The following CTNNA3 variants were observed in gnomAD, a reference collection of about 807,000 sequenced individuals.
CTNNA3 encodes catenin alpha-3.
A neutral mutation model predicts 95.7 loss-of-function variants in CTNNA3; 76 were observed. That is an observed-to-expected ratio of 0.79 (90% CI 0.66 to 0.96). CTNNA3 has a LOEUF of 0.96. Among genes scored for constraint, CTNNA3 ranks in the 40% least tolerant of loss-of-function variants. CTNNA3 has a pLI of 0.00. For missense variants in CTNNA3, 1,191 were observed against 1,089.8 expected, an observed-to-expected ratio of 1.09 and a Z score of -1.31; for synonymous variants, 431 against 374.4, an observed-to-expected ratio of 1.15 and a Z score of -1.74.
chr10:66,158,951 G>A (rs1344785522), intron 13 of CTNNA3, among the ~76,000 whole-genome samples: 1 of 151,786 alleles, frequency 6.6e-6, no homozygotes, highest in Non-Finnish European at 1.5e-5. Flanking sequence ...TTGATTTGAT[G>A]CTCTGCTTGG....
chr10:67,716,284 C>A (rs949737300), intron 1 of CTNNA3, among the ~76,000 whole-genome samples: 4 of 152,076 alleles, frequency 2.6e-5, no homozygotes, highest in Non-Finnish European at 2.9e-5. Context: ...AGACCATGAT[C>A]TTTTCTAATT....
intron 7 of CTNNA3, among the ~76,000 whole-genome samples, chr10:66,841,913 T>C (rs555000880): frequency 3.3e-5 from 5 of 152,214 alleles, no homozygotes; most frequent in Admixed American, 1.3e-4. Context: ...TATACCTCTG[T>C]GGCAGGAAAG....
At chr10:66,284,450 A>T (rs2132170654) in intron 12 of CTNNA3, among the ~76,000 whole-genome samples, 1 of 151,976 alleles carries the variant, frequency 6.6e-6, no homozygotes, top group South Asian at 2.1e-4. Flanking sequence ...AGTAAAGTCC[A>T]TGGGGTTTCT....
At chr10:67,070,517 G>A (rs907481779) in intron 7 of CTNNA3, among the ~76,000 whole-genome samples, 10 of 152,198 alleles carry the variant, frequency 6.6e-5, no homozygotes, top group African/African-American at 2.4e-4. Context: ...GGGAGGCCAG[G>A]GCAGGCAGAT....
intron 16 of CTNNA3, among the ~76,000 whole-genome samples, chr10:65,978,745 A>C (rs2133294739): frequency 6.6e-6 from 1 of 152,302 alleles, no homozygotes; most frequent in African/African-American, 2.4e-5. Flanking sequence ...TATCTCAATG[A>C]AGAATGCCTT....
chr10:66,882,516 G>T (rs1290957505), intron 7 of CTNNA3, among the ~76,000 whole-genome samples: 1 of 152,130 alleles, frequency 6.6e-6, no homozygotes, highest in African/African-American at 2.4e-5. Context: ...ATGGCACCAT[G>T]CATTGACGGT....
chr10:67,022,529 T>C (rs925669204), intron 7 of CTNNA3, among the ~76,000 whole-genome samples: 10 of 152,208 alleles, frequency 6.6e-5, no homozygotes, highest in African/African-American at 2.4e-4. Context: ...AGGAAGGTCA[T>C]GAATTTTAAC....
chr10:65,966,405 T>C (rs901029748), intron 17 of CTNNA3, among the ~76,000 whole-genome samples: 2 of 152,214 alleles, frequency 1.3e-5, no homozygotes, highest in African/African-American at 4.8e-5. Context: ...CTGAAGTAAA[T>C]AAAAACAACA....
At chr10:66,657,260 C>G (rs572107154) in intron 9 of CTNNA3, among the ~76,000 whole-genome samples, 1 of 152,210 alleles carries the variant, frequency 6.6e-6, no homozygotes, top group African/African-American at 2.4e-5. Flanking sequence ...TTTTAGATAG[C>G]AAATTTTAAG....
At chr10:66,070,234 A>G (rs540651012) in intron 14 of CTNNA3, among the ~76,000 whole-genome samples, 9 of 152,304 alleles carry the variant, frequency 5.9e-5, no homozygotes, top group Middle Eastern at 3.4e-3. Flanking sequence ...AATGTGTCCT[A>G]TGTGAGGTTG....
intron 7 of CTNNA3, among the ~76,000 whole-genome samples, chr10:66,840,016 T>C (rs1400675686): frequency 6.6e-6 from 1 of 152,112 alleles, no homozygotes; most frequent in Non-Finnish European, 1.5e-5. Flanking sequence ...CCTCAAGTTA[T>C]CTGAATTTGA....
chr10:66,749,359 C>T (rs973888828), intron 9 of CTNNA3, among the ~76,000 whole-genome samples: 8 of 152,118 alleles, frequency 5.3e-5, no homozygotes, highest in Non-Finnish European at 8.8e-5. Context: ...CTTCTGTGCT[C>T]TACCTCCTCA....
chr10:66,031,813 G>A (rs1010394777), intron 15 of CTNNA3, among the ~76,000 whole-genome samples: 1 of 152,154 alleles, frequency 6.6e-6, no homozygotes, highest in African/African-American at 2.4e-5. Context: ...GGTCAGAAAA[G>A]GATTAAAAAT....
chr10:66,549,129 C>T (rs1053073758), intron 10 of CTNNA3, among the ~76,000 whole-genome samples: 7 of 151,664 alleles, frequency 4.6e-5, no homozygotes, highest in African/African-American at 1.7e-4. Flanking sequence ...GGTGGGACTA[C>T]AGTACAGGCG....
intron 17 of CTNNA3, among the ~76,000 whole-genome samples, chr10:65,946,183 G>C (rs1470114283): frequency 2.0e-5 from 3 of 152,006 alleles, no homozygotes; most frequent in Non-Finnish European, 4.4e-5. Flanking sequence ...TTTTTGGTAA[G>C]TATAAAAAAT....
intron 5 of CTNNA3, among the ~76,000 whole-genome samples, chr10:67,292,481 T>C (rs749541980): frequency 2.0e-5 from 3 of 152,136 alleles, no homozygotes; most frequent in African/African-American, 7.2e-5. Flanking sequence ...AGCGCAATGA[T>C]TGTAATATAC....
At chr10:67,491,316 T>C (rs1001419107) in intron 5 of CTNNA3, among the ~76,000 whole-genome samples, 17 of 152,236 alleles carry the variant, frequency 1.1e-4, no homozygotes, top group African/African-American at 4.1e-4. Flanking sequence ...TCCCTGGCAC[T>C]GTCCTAGTTG....
chr10:66,158,657 T>G (rs561469433), intron 13 of CTNNA3, among the ~76,000 whole-genome samples: 1 of 152,250 alleles, frequency 6.6e-6, no homozygotes. Flanking sequence ...ATATGAATTT[T>G]AGAATTGTTT....
intron 2 of CTNNA3, among the ~76,000 whole-genome samples, chr10:67,613,883 C>T (rs1038514234): frequency 4.0e-5 from 6 of 151,748 alleles, no homozygotes; most frequent in Non-Finnish European, 7.4e-5. Flanking sequence ...CGTTTTTGTG[C>T]CCGGAGTTGG....
Sources: gnomAD v4.1 joint callset for allele counts (sites outside exome capture counted in the v4.1 genomes callset) on GRCh38, gnomAD v4.1.1 for gene constraint, MANE v1.5 for transcripts, NCBI Gene and HGNC (gene_info 2026-07-23, HGNC 2026-07-21) for gene names.